SREK1IP1: variants seen among roughly 807,000 people sequenced by gnomAD.
The protein encoded by SREK1IP1 is SREK1 interacting protein 1, also known as protein SREK1IP1.
In SREK1IP1, 12 loss-of-function variants were observed where a neutral mutation model predicts 22.8. The ratio of observed to expected loss-of-function variants is 0.53; its 90% CI spans 0.34 to 0.85. SREK1IP1 has a LOEUF of 0.85. Among genes scored for constraint, SREK1IP1 ranks in the 40% least tolerant of loss-of-function variants. SREK1IP1 has a pLI of 0.02. For missense variants in SREK1IP1, 147 were observed against 171.8 expected, an observed-to-expected ratio of 0.86 and a Z score of 0.81; for synonymous variants, 53 against 52.7, an observed-to-expected ratio of 1.01 and a Z score of -0.02.
At chr5:64,731,036 T>C (rs1742368811) in intron 3 of SREK1IP1, among the ~76,000 whole-genome samples, 1 of 152,114 alleles carries the variant, frequency 6.6e-6, no homozygotes, top group South Asian at 2.1e-4. Flanking sequence ...TTAAATAAAC[T>C]GGAAAGATAA....
At chr5:64,751,538 AG>A (rs1260623718) in intron 2 of SREK1IP1, among the ~76,000 whole-genome samples, 1 of 152,228 alleles carries the variant, frequency 6.6e-6, no homozygotes, top group Non-Finnish European at 1.5e-5. Flanking sequence ...TGCTTCTCAA[AG>A]GGAATGCCAT....
At chr5:64,742,804 A>AT (rs887240679) in intron 2 of SREK1IP1, among the ~76,000 whole-genome samples, 1 of 151,912 alleles carries the variant, frequency 6.6e-6, no homozygotes, top group Non-Finnish European at 1.5e-5. Flanking sequence ...TTAGTTCTTT[A>AT]TTTTTTTCTA....
At chr5:64,728,668 C>T (rs1446352134) in intron 3 of SREK1IP1, among the ~76,000 whole-genome samples, 2 of 152,144 alleles carry the variant, frequency 1.3e-5, no homozygotes, top group Admixed American at 6.5e-5. Flanking sequence ...ATATAAGTTC[C>T]AAGTATTTTT....
At position 64,741,180 on chromosome 5, in the gene SREK1IP1, A is replaced by G. The variant is rs1258993318; in HGVS notation, c.82T>C (p.Cys28Arg). The G allele has an allele frequency of 6.2e-7, 1 of 1,611,204 alleles. No homozygotes were observed. Among genetic ancestry groups the G allele is most frequent in the Non-Finnish European group, 8.5e-7 (1 of 1,178,422 alleles). Residue 28 changes from cysteine to arginine, a missense_variant, in exon 3 of 5, where the codon TGC becomes CGC. Cys to Arg is a radical substitution (Grantham distance 180). This residue lies in a region of SREK1IP1 where 62 missense variants were observed against 73.3 expected (regional missense o/e 0.85). Coordinates refer to ENST00000513458, the MANE Select transcript of SREK1IP1 (RefSeq NM_173829.4). ...GGGTCTACTCGGAGAAAATTGCGGC[A>G]TTCAAAAGTCAGGTGACCAGCTAAG... is the stretch of plus-strand genomic sequence containing the variant. ...CGYPGHLTFE[C>R]RNFLRVDPKR...
At chr5:64,745,638 T>C (rs1283979401) in intron 2 of SREK1IP1, among the ~76,000 whole-genome samples, 2 of 152,038 alleles carry the variant, frequency 1.3e-5, no homozygotes, top group African/African-American at 4.8e-5. Flanking sequence ...TAAGCTAGCT[T>C]TGTACCCAAA....
intron 1 of SREK1IP1, among the ~76,000 whole-genome samples, chr5:64,762,382 T>C (rs1742965283): frequency 1.3e-5 from 2 of 152,206 alleles, no homozygotes; most frequent in South Asian, 2.1e-4. Flanking sequence ...GGTTACTCCA[T>C]TATGGTTTTA....
At position 64,721,404 on chromosome 5, in the gene SREK1IP1, A is replaced by T. The variant is rs1742158846; in HGVS notation, c.*2980T>A. On this transcript the variant is annotated 3_prime_UTR_variant, in exon 5 of 5. Transcript: ENST00000513458. Reference sequence around the variant, plus strand: ...TTCAGCCTAGTTTACTCTGAAGGTAAACTAGGGTTATATAATTTTAGATAC... The same window carrying T: ...TTCAGCCTAGTTTACTCTGAAGGTATACTAGGGTTATATAATTTTAGATAC... The T allele has an allele frequency of 6.6e-6, 1 of 152,210 alleles. No homozygotes were observed. Among genetic ancestry groups the T allele is most frequent in the African/African-American group, 2.4e-5 (1 of 41,460 alleles). The allele number at this position is 152,210 out of a possible 1,614,324, so 9.4% of individuals were successfully genotyped here. A position where few individuals can be genotyped will look rare whatever the true frequency, so the allele number is the denominator to read the frequency against.
intron 2 of SREK1IP1, among the ~76,000 whole-genome samples, chr5:64,750,526 C>CACCT (rs761314481): frequency 5.9e-5 from 9 of 152,104 alleles, no homozygotes; most frequent in Non-Finnish European, 1.2e-4. Flanking sequence ...GTGTAACAAC[C>CACCT]ACCTGTTCAT....
intron 2 of SREK1IP1, among the ~76,000 whole-genome samples, chr5:64,751,626 T>C (rs1742741759): frequency 6.6e-6 from 1 of 152,252 alleles, no homozygotes; most frequent in Non-Finnish European, 1.5e-5. Context: ...CTTTGGGCTC[T>C]ACATAGTAAG....
In SREK1IP1 at chr5:64,728,123, T is replaced by TC; in HGVS notation, c.261dup (p.Lys88GlufsTer14). On this transcript the variant is annotated frameshift_variant, in exon 4 of 5. Transcript: ENST00000513458. LOFTEE classifies it high-confidence loss of function. The stretch of plus-strand genomic sequence containing the variant: ...AAAAAATACCTTTTCCTTTTTTTTT[T>TC]CAATTTGATTTTTTCTTTGCTTTTT... 1 of 1,412,322 alleles carries TC rather than the reference T, an allele frequency of 7.1e-7. No individual in the cohort carries two copies. The highest frequency in any genetic ancestry group is 9.3e-7 in the Non-Finnish European group (1 of 1,074,650). The allele number at this position is 1,412,322 out of a possible 1,614,324, so 87.5% of individuals were successfully genotyped here.
At chr5:64,741,423 CT>C (rs1289403740) in intron 2 of SREK1IP1, among the ~76,000 whole-genome samples, 10 of 152,086 alleles carry the variant, frequency 6.6e-5, no homozygotes. Context: ...CTCAGAACTC[CT>C]TATTCAATAA....
intron 1 of SREK1IP1, among the ~76,000 whole-genome samples, chr5:64,761,928 G>A (rs764908632): frequency 1.3e-5 from 2 of 152,156 alleles, no homozygotes; most frequent in Non-Finnish European, 2.9e-5. Flanking sequence ...AGAAAATATT[G>A]AGAAAACCAA....
At chr5:64,761,020 G>A (rs932076582) in intron 1 of SREK1IP1, among the ~76,000 whole-genome samples, 5 of 152,150 alleles carry the variant, frequency 3.3e-5, no homozygotes, top group Non-Finnish European at 7.4e-5. Flanking sequence ...TAACTGTCAA[G>A]TAAACATTAT....
At chr5:64,726,047 T>C (rs1247894160) in intron 4 of SREK1IP1, among the ~76,000 whole-genome samples, 1 of 151,514 alleles carries the variant, frequency 6.6e-6, no homozygotes, top group Non-Finnish European at 1.5e-5. Context: ...TTTTTTGTAT[T>C]TTTAGTAGAG....
chr5:64,757,700 G>T (rs1030226), intron 1 of SREK1IP1, among the ~76,000 whole-genome samples: 67,206 of 151,704 alleles, frequency 0.44, 17,893 homozygotes, highest in African/African-American at 0.74. Flanking sequence ...GCCCTTTTAC[G>T]GTCACTTCAC....
At chr5:64,739,282 C>T (rs1742514983) in intron 3 of SREK1IP1, among the ~76,000 whole-genome samples, 1 of 152,124 alleles carries the variant, frequency 6.6e-6, no homozygotes, top group Non-Finnish European at 1.5e-5. Context: ...TTAACTTCCT[C>T]CCTGCTTTCA....
intron 1 of SREK1IP1, among the ~76,000 whole-genome samples, chr5:64,755,830 T>C (rs1017608422): frequency 6.6e-6 from 1 of 151,836 alleles, no homozygotes; most frequent in Non-Finnish European, 1.5e-5. Flanking sequence ...TGTAAAATAA[T>C]TTATATATAT....
chr5:64,735,162 G>A (rs1240994154), intron 3 of SREK1IP1, among the ~76,000 whole-genome samples: 1 of 149,464 alleles, frequency 6.7e-6, no homozygotes, highest in Admixed American at 6.7e-5. Context: ...TTGTGACAAT[G>A]TTTTTTTTTT....
intron 1 of SREK1IP1, among the ~76,000 whole-genome samples, chr5:64,767,552 A>C (rs1466894771): frequency 1.3e-5 from 2 of 152,228 alleles, no homozygotes; most frequent in African/African-American, 2.4e-5. Context: ...CTGTAGAAGG[A>C]GGTTCAAAAA....
Sources: gnomAD v4.1 joint callset for allele counts (sites outside exome capture counted in the v4.1 genomes callset) on GRCh38, gnomAD v4.1.1 for gene constraint, gnomAD v4.1.1 regional missense constraint, MANE v1.5 for transcripts, NCBI Gene and HGNC (gene_info 2026-07-23, HGNC 2026-07-21) for gene names.